Variants in STARD8 observed in about 807,000 individuals in gnomAD.
STARD8 encodes the protein stAR-related lipid transfer protein 8.
STARD8 carries 25 observed loss-of-function variants against 69.4 expected under a neutral mutation model. The observed-to-expected ratio is 0.36, with a 90% CI of 0.26 to 0.50. The LOEUF is 0.50. Ranked by LOEUF, STARD8 falls within the 20% of genes least tolerant of loss-of-function variation. The probability of loss-of-function intolerance (pLI) is 0.96; values close to 1 mark genes in which losing one functional copy is unlikely to be tolerated. For synonymous variants in STARD8, 389 were observed against 374.6 expected, an observed-to-expected ratio of 1.04 and a Z score of -0.45; for missense variants, 921 against 932.5, an observed-to-expected ratio of 0.99 and a Z score of 0.16.
chrX:68,688,277 T>C lies in STARD8; in HGVS notation c.79+22745T>C, dbSNP rs765885627. On this transcript the variant is annotated intron_variant, in intron 2 of 14. Coordinates refer to ENST00000374599, the MANE Select transcript of STARD8 (RefSeq NM_001142503.3). ...ATGTCATCCTGGGGCCTCTGAGGGC[T>C]GCCCTTCAAGGTCAGGAGACAGGGG... 5.1e-3 allele frequency among the ~76,000 whole-genome samples: 567 copies of C among 111,569 alleles called. 2 individuals are homozygous for C. The highest frequency in any genetic ancestry group is 0.017 in the African/African-American group (533 of 30,526).
intron 1 of STARD8, among the ~76,000 whole-genome samples, chrX:68,662,874 C>G (rs2079660176): frequency 8.9e-6 from 1 of 112,274 alleles, no homozygotes; most frequent in Non-Finnish European, 1.9e-5. Flanking sequence ...ATCGACTCCC[C>G]CTCTGAGCTG....
At position 68,661,970 on chromosome X, in the gene STARD8, C is replaced by CTT. The variant is rs1268838074; in HGVS notation, c.46-3528_46-3527insTT. ...CCTCTCTCTCTCTCTCTCTCTCTCT[C>CTT]TCTTTCTTTCTTTCTTTCTTTCTTT... On this transcript the variant is annotated intron_variant, in intron 1 of 14. Coordinates refer to ENST00000374599, the MANE Select transcript of STARD8 (RefSeq NM_001142503.3). 9.5e-3 allele frequency among the ~76,000 whole-genome samples: 532 copies of CTT among 55,961 alleles called. 9 individuals carry two copies. Among genetic ancestry groups the CTT allele is most frequent in the East Asian group, 0.035 (53 of 1,493 alleles). 48.6% of individuals were successfully genotyped at this position (55,961 alleles called of 115,157 possible). A position where few individuals can be genotyped will look rare whatever the true frequency, so the allele number is the denominator to read the frequency against.
intron 1 of STARD8, among the ~76,000 whole-genome samples, chrX:68,651,650 T>C (rs915987991): frequency 1.8e-5 from 2 of 110,303 alleles, no homozygotes; most frequent in East Asian, 2.9e-4. Flanking sequence ...TCCCCCACCA[T>C]ATGGAGCCCT....
At chrX:68,675,059 C>A (rs78366585) in intron 2 of STARD8, among the ~76,000 whole-genome samples, 1 of 108,422 alleles carries the variant, frequency 9.2e-6, no homozygotes, top group Non-Finnish European at 1.9e-5. Flanking sequence ...CGGGTTCAAG[C>A]GATTCTCCTG....
intron 2 of STARD8, among the ~76,000 whole-genome samples, chrX:68,696,647 C>A (rs1284621748): frequency 8.9e-6 from 1 of 111,761 alleles, no homozygotes; most frequent in Non-Finnish European, 1.9e-5. Flanking sequence ...CTGCCGCCCC[C>A]CTCAAATTCT....
intron 2 of STARD8, among the ~76,000 whole-genome samples, chrX:68,694,540 C>T (rs1207779287): frequency 1.8e-5 from 2 of 111,574 alleles, no homozygotes; most frequent in African/African-American, 6.5e-5. Context: ...CGCTGAATTA[C>T]GACTCAGGAA....
rs1320015163 is a variant in STARD8, at chrX:68,723,590, G to A, written c.2800-36G>A. Reference sequence around the variant, plus strand: ...GCTGGAGTCAGAGTTCTCCAGCCCTGACAGCTGCCCCCATCCCCACTCCTG... The same window carrying A: ...GCTGGAGTCAGAGTTCTCCAGCCCTAACAGCTGCCCCCATCCCCACTCCTG... On this transcript the variant is annotated intron_variant, in intron 12 of 14. Coordinates refer to ENST00000374599, the MANE Select transcript of STARD8 (RefSeq NM_001142503.3). The A allele has an allele frequency of 5.3e-6, 6 of 1,122,739 alleles. No homozygotes were observed. The South Asian group carries it at 1.0e-4, about 19-fold the overall frequency. 92.5% of individuals were successfully genotyped at this position (1,122,739 alleles called of 1,213,427 possible).
At chrX:68,699,249 G>C (rs1271423054) in intron 2 of STARD8, among the ~76,000 whole-genome samples, 1 of 111,829 alleles carries the variant, frequency 8.9e-6, no homozygotes, top group Non-Finnish European at 1.9e-5. Flanking sequence ...CCCCTCTAGA[G>C]GTAGGTATGC....
At chrX:68,688,484 G>A (rs1539284) in intron 2 of STARD8, among the ~76,000 whole-genome samples, 3,784 of 109,808 alleles carry the variant, frequency 0.034, 158 homozygotes, top group African/African-American at 0.12. Flanking sequence ...GGGTCAGGCC[G>A]TGGCAGCTGA....
At chrX:68,688,048 G>C (rs2079846632) in intron 2 of STARD8, among the ~76,000 whole-genome samples, 1 of 112,808 alleles carries the variant, frequency 8.9e-6, no homozygotes, top group Middle Eastern at 4.2e-3. Context: ...AATGGCTGAT[G>C]CATGTGTGTG....
chrX:68,675,070 C>T lies in STARD8; in HGVS notation c.79+9538C>T, dbSNP rs759004371. ...CTCCCGGGTTCAAGCGATTCTCCTG[C>T]CTCAGCCTCCCCGAGTAGCTAGGAT... On this transcript the variant is annotated intron_variant, in intron 2 of 14. Coordinates refer to ENST00000374599, the MANE Select transcript of STARD8 (RefSeq NM_001142503.3). Among the ~76,000 whole-genome samples, 10 of 109,387 alleles carry T rather than the reference C, an allele frequency of 9.1e-5. No individual in the cohort carries two copies. In the East Asian group the frequency reaches 2.9e-3, roughly 31 times the overall value. The allele number at this position is 109,387 out of a possible 115,157, so 95.0% of individuals were successfully genotyped here.
At chrX:68,668,093 CTTTCTTTCT>C (rs2079697621) in intron 2 of STARD8, among the ~76,000 whole-genome samples, 2 of 96,064 alleles carry the variant, frequency 2.1e-5, no homozygotes, top group South Asian at 1.0e-3. Context: ...TTCTTTCTTT[CTTTCTTTCT>C]TTCTTTCTTT....
intron 2 of STARD8, among the ~76,000 whole-genome samples, chrX:68,682,574 CAAATAATTT>C (rs2079807588): frequency 8.9e-6 from 1 of 112,318 alleles, no homozygotes; most frequent in African/African-American, 3.2e-5. Context: ...GGAGATAGGG[CAAATAATTT>C]AACCTCTTCA....
intron 1 of STARD8, among the ~76,000 whole-genome samples, chrX:68,664,425 C>G (rs764162539): frequency 8.9e-6 from 1 of 112,267 alleles, no homozygotes; most frequent in South Asian, 3.7e-4. Flanking sequence ...TTCTCCTGCT[C>G]TATATCCACC....
chrX:68,698,967 G>C (rs1204295515), intron 2 of STARD8, among the ~76,000 whole-genome samples: 1 of 112,018 alleles, frequency 8.9e-6, no homozygotes, highest in African/African-American at 3.3e-5. Flanking sequence ...TTCTCAGCTG[G>C]CTGGGTCAGT....
At position 68,715,298 on chromosome X, in the gene STARD8, T is replaced by C. The variant is rs373589753; in HGVS notation, c.156T>C (p.Gly52=). The change falls in exon 4 of 15, where the codon GGT becomes GGC. Residue 52 remains glycine, a synonymous_variant. Transcript: ENST00000374599. ...TTGCTTCTCTCTGCCATACAGAAGGTTCGTTTCCCCTGGATATTGGCTCTG... is the reference window on the plus strand; with the variant it reads ...TTGCTTCTCTCTGCCATACAGAAGGCTCGTTTCCCCTGGATATTGGCTCTG... The part of the protein sequence containing the change: ...FPQYVQLFEE[G]SFPLDIGSVK... 5.3e-5 allele frequency: 64 copies of C among 1,204,787 alleles called. No individual in the cohort carries two copies. The highest frequency in any genetic ancestry group is 6.7e-5 in the Non-Finnish European group (60 of 892,319).
intron 2 of STARD8, among the ~76,000 whole-genome samples, chrX:68,700,500 T>A (rs1457436721): frequency 1.8e-5 from 2 of 112,516 alleles, no homozygotes; most frequent in Non-Finnish European, 3.8e-5. Context: ...TGGCTGCAAC[T>A]CTGTTCCTGT....
At chrX:68,701,499 T>G in intron 2 of STARD8, among the ~76,000 whole-genome samples, 1 of 113,092 alleles carries the variant, frequency 8.8e-6, no homozygotes, top group South Asian at 3.6e-4. Flanking sequence ...ATCAGTCACT[T>G]CTGGACAGGC....
chrX:68,723,597 G>GC lies in STARD8; in HGVS notation c.2800-24dup, dbSNP rs2080170118. On this transcript the variant is annotated intron_variant, in intron 12 of 14. Coordinates refer to ENST00000374599, the MANE Select transcript of STARD8 (RefSeq NM_001142503.3). ...TCAGAGTTCTCCAGCCCTGACAGCTGCCCCCATCCCCACTCCTGTGGCTCA... is the reference window on the plus strand; with the variant it reads ...TCAGAGTTCTCCAGCCCTGACAGCTGCCCCCCATCCCCACTCCTGTGGCTCA... The GC allele has an allele frequency of 1.1e-5, 12 of 1,141,468 alleles. No individual in the cohort carries two copies. In the East Asian group the frequency reaches 3.5e-4, roughly 33 times the overall value. The allele number at this position is 1,141,468 out of a possible 1,213,427, so 94.1% of individuals were successfully genotyped here.
Sources: allele counts gnomAD v4.1 joint callset (sites outside exome capture counted in the v4.1 genomes callset), GRCh38; gene constraint gnomAD v4.1.1; transcripts MANE v1.5; gene names NCBI Gene and HGNC (gene_info 2026-07-23, HGNC 2026-07-21).